KPNA3: variants seen among roughly 807,000 people sequenced by gnomAD.
KPNA3 encodes karyopherin subunit alpha 3.
Under a neutral mutation model 73.8 loss-of-function variants are expected in KPNA3, and 13 were observed. The observed-to-expected ratio is 0.18, with a 90% CI of 0.11 to 0.28. KPNA3 has a LOEUF of 0.28. Among genes scored for constraint, KPNA3 ranks in the 10% least tolerant of loss-of-function variants. The pLI is 1.00. For synonymous variants in KPNA3, 186 were observed against 206.9 expected (o/e 0.90, Z 0.87); for missense variants, 360 against 618.1 (o/e 0.58, Z 4.43).
At chr13:49,783,881 A>T (rs1163953195) in intron 1 of KPNA3, among the ~76,000 whole-genome samples, 1 of 152,224 alleles carries the variant, frequency 6.6e-6, no homozygotes, top group African/African-American at 2.4e-5. Context: ...ATATATTCTA[A>T]GGTACACACT....
At chr13:49,787,946 C>T (rs958212469) in intron 1 of KPNA3, among the ~76,000 whole-genome samples, 4 of 152,196 alleles carry the variant, frequency 2.6e-5, no homozygotes, top group African/African-American at 9.6e-5. Flanking sequence ...TCCCAAAGTG[C>T]TGGGATTACA....
At chr13:49,720,001 A>G (rs1422394129) in intron 9 of KPNA3, among the ~76,000 whole-genome samples, 182 bp from the exon 10 acceptor site, 4 of 152,252 alleles carry the variant, frequency 2.6e-5, no homozygotes, top group Admixed American at 2.0e-4. Flanking sequence ...AACCAAAAAC[A>G]TATCTCAAAT....
At chr13:49,732,515 A>G (rs1566343048) in intron 5 of KPNA3, 49 bp from the exon 6 acceptor site, 2 of 1,472,664 alleles carry the variant, frequency 1.4e-6, no homozygotes, top group Non-Finnish European at 1.9e-6. Flanking sequence ...TCAAACTGTG[A>G]AAAGAAATAA....
chr13:49,720,729 C>CAAAAAAAAAAAAAAAAA (rs10707385), intron 9 of KPNA3, among the ~76,000 whole-genome samples: 1 of 88,020 alleles, frequency 1.1e-5, no homozygotes, highest in Non-Finnish European at 2.3e-5. Context: ...GAGACTGTCT[C>CAAAAAAAAAAAAAAAAA]AAAAAAAAAA....
At chr13:49,715,338 A>C (rs1012797951) in intron 10 of KPNA3, among the ~76,000 whole-genome samples, 2 of 152,144 alleles carry the variant, frequency 1.3e-5, no homozygotes, top group African/African-American at 4.8e-5. Flanking sequence ...CTACAGAAAA[A>C]CAGACATTAA....
At chr13:49,770,626 T>C (rs1307185559) in intron 1 of KPNA3, among the ~76,000 whole-genome samples, 1 of 152,166 alleles carries the variant, frequency 6.6e-6, no homozygotes, top group African/African-American at 2.4e-5. Context: ...TCTACACAGA[T>C]GTTTTCTTCT....
intron 1 of KPNA3, among the ~76,000 whole-genome samples, chr13:49,754,552 A>T (rs1954693786): frequency 1.3e-5 from 2 of 151,616 alleles, no homozygotes; most frequent in Admixed American, 6.6e-5. Context: ...AACAAGCAGA[A>T]GGAATAAACA....
At chr13:49,705,949 G>C in intron 14 of KPNA3, 149 bp downstream of exon 14, 1 of 966,146 alleles carries the variant, frequency 1.0e-6, no homozygotes, top group Non-Finnish European at 1.5e-6. Flanking sequence ...ACTCTAGCCT[G>C]GGCAACATAG....
At chr13:49,786,785 G>A (rs1954985979) in intron 1 of KPNA3, among the ~76,000 whole-genome samples, 1 of 152,204 alleles carries the variant, frequency 6.6e-6, no homozygotes, top group African/African-American at 2.4e-5. Context: ...TGTGTGGCAT[G>A]CTAAGGACTT....
chr13:49,724,164 C>T (rs1296310700), intron 7 of KPNA3, among the ~76,000 whole-genome samples: 2 of 152,204 alleles, frequency 1.3e-5, no homozygotes, highest in Non-Finnish European at 2.9e-5. Flanking sequence ...ACCACATTCA[C>T]TTTATCCACT....
intron 6 of KPNA3, among the ~76,000 whole-genome samples, chr13:49,729,416 A>G (rs1436661364): frequency 6.6e-6 from 1 of 152,180 alleles, no homozygotes; most frequent in African/African-American, 2.4e-5. Context: ...AAAGCCAAAG[A>G]AAGTCTTTCA....
At chr13:49,705,920 G>C in intron 14 of KPNA3, 137 bp from the exon 15 acceptor site, 1 of 970,482 alleles carries the variant, frequency 1.0e-6, no homozygotes, top group Non-Finnish European at 1.5e-6. Flanking sequence ...TTATGGTCAT[G>C]CCTGTGAATA....
intron 10 of KPNA3, among the ~76,000 whole-genome samples, chr13:49,713,841 T>C (rs1954282586): frequency 6.6e-6 from 1 of 152,118 alleles, no homozygotes; most frequent in Non-Finnish European, 1.5e-5. Flanking sequence ...GTAGCTGGGA[T>C]TACAGGCGCG....
intron 1 of KPNA3, among the ~76,000 whole-genome samples, chr13:49,778,300 G>C (rs1487748532): frequency 6.6e-6 from 1 of 152,184 alleles, no homozygotes; most frequent in Non-Finnish European, 1.5e-5. Flanking sequence ...CCAAGTTTTG[G>C]CCAGTTAAAA....
chr13:49,704,518 C>T (rs1045405108), intron 15 of KPNA3, among the ~76,000 whole-genome samples: 5 of 150,836 alleles, frequency 3.3e-5, no homozygotes, highest in East Asian at 1.9e-4. Context: ...GAATATTCTA[C>T]GGTACTACTG....
intron 1 of KPNA3, among the ~76,000 whole-genome samples, chr13:49,784,231 GT>G (rs1312874327): frequency 6.6e-6 from 1 of 151,936 alleles, no homozygotes; most frequent in Non-Finnish European, 1.5e-5. Context: ...CAAAAATAAT[GT>G]TTAAAAATTT....
At chr13:49,705,527 C>T in intron 15 of KPNA3, 94 bp downstream of exon 15, 1 of 1,208,280 alleles carries the variant, frequency 8.3e-7, no homozygotes, top group South Asian at 1.4e-5. Flanking sequence ...AACAACGTAT[C>T]CTAGTAATTT....
chr13:49,771,985 C>T (rs556870930), intron 1 of KPNA3, among the ~76,000 whole-genome samples: 1 of 152,252 alleles, frequency 6.6e-6, no homozygotes, highest in South Asian at 2.1e-4. Context: ...TTGCCCATTG[C>T]TGGTATACTA....
chr13:49,704,423 T>A lies in KPNA3; in HGVS notation c.1372+1198A>T, dbSNP rs1434384746. Among the ~76,000 whole-genome samples the A allele has an allele frequency of 2.7e-3, 259 of 97,184 alleles. 5 individuals are homozygous for A. Among genetic ancestry groups the A allele is most frequent in the South Asian group, 0.015 (37 of 2,410 alleles). The allele number at this position is 97,184 out of a possible 152,430, so 63.8% of individuals were successfully genotyped here. On this transcript the variant is annotated intron_variant, in intron 15 of 16. Coordinates refer to ENST00000261667, the MANE Select transcript of KPNA3 (RefSeq NM_002267.4). ...GCGAAACTCTGTCTCAAAAAAAAAA[T>A]AAATAAATAAAAAATAAATAAATAA...
Sources: allele counts gnomAD v4.1 joint callset (sites outside exome capture counted in the v4.1 genomes callset), GRCh38; gene constraint gnomAD v4.1.1; transcripts MANE v1.5; gene names NCBI Gene and HGNC (gene_info 2026-07-23, HGNC 2026-07-21).